The following SFXN5 variants were observed in gnomAD, a reference collection of about 807,000 sequenced individuals.
The protein encoded by SFXN5 is sideroflexin-5.
In SFXN5, 43 loss-of-function variants were observed where a neutral mutation model predicts 50.2. The observed-to-expected ratio is 0.86, with a 90% CI of 0.67 to 1.11. The LOEUF is 1.11. SFXN5 is among the 50% of genes least tolerant of loss of function. The probability of loss-of-function intolerance (pLI) is 0.00; values close to 1 mark genes in which losing one functional copy is unlikely to be tolerated. For missense variants in SFXN5, 463 were observed against 454.1 expected, an observed-to-expected ratio of 1.02 and a Z score of -0.18; for synonymous variants, 203 against 185.8, an observed-to-expected ratio of 1.09 and a Z score of -0.75.
At chr2:72,964,537 G>A (rs1276017552) in intron 12 of SFXN5, among the ~76,000 whole-genome samples, 3 of 152,248 alleles carry the variant, frequency 2.0e-5, no homozygotes, top group Non-Finnish European at 4.4e-5. Flanking sequence ...AGAAAGAGGT[G>A]GAGCAGGAAC....
chr2:72,971,673 A>G lies in SFXN5; in HGVS notation c.638T>C (p.Ile213Thr). The change falls in exon 11 of 14, where the codon ATC (isoleucine) becomes ACC (threonine). Residue 213 changes from isoleucine (I) to threonine (T), a missense_variant. Ile to Thr is a moderately conservative substitution (Grantham distance 89). Coordinates refer to ENST00000272433, the MANE Select transcript of SFXN5 (RefSeq NM_144579.3). ...GTACCGCATCAGGACCACATTGCAGATATTGGCACTGGCTGCAGAGAGAGG... is the reference window on the plus strand; with the variant it reads ...GTACCGCATCAGGACCACATTGCAGGTATTGGCACTGGCTGCAGAGAGAGG... The part of the protein sequence containing the change: ...VPFPAVASAN[I>T]CNVVLMRYGE... 6.2e-7 allele frequency: 1 copy of G among 1,613,552 alleles called. No individual in the cohort carries two copies. The highest frequency in any genetic ancestry group is 8.5e-7 in the Non-Finnish European group (1 of 1,179,578).
chr2:73,013,134 G>A (rs1675745393), intron 6 of SFXN5, among the ~76,000 whole-genome samples: 1 of 152,126 alleles, frequency 6.6e-6, no homozygotes, highest in Non-Finnish European at 1.5e-5. Context: ...ATCAGTGGCA[G>A]AATAAATACG....
At chr2:72,978,441 C>T (rs192414120) in intron 10 of SFXN5, among the ~76,000 whole-genome samples, 323 of 152,074 alleles carry the variant, frequency 2.1e-3, no homozygotes, top group African/African-American at 7.2e-3. Flanking sequence ...CACCACCATG[C>T]CCAGCTAATT....
At chr2:73,008,285 C>T (rs1228284722) in intron 6 of SFXN5, among the ~76,000 whole-genome samples, 1 of 152,152 alleles carries the variant, frequency 6.6e-6, no homozygotes, top group African/African-American at 2.4e-5. Context: ...CATGGTCTGC[C>T]CTCCTTAGCA....
intron 9 of SFXN5, among the ~76,000 whole-genome samples, chr2:72,991,541 G>A (rs1471253225): frequency 1.3e-5 from 2 of 152,224 alleles, no homozygotes; most frequent in Non-Finnish European, 2.9e-5. Flanking sequence ...AAGGCAAATG[G>A]CCACTTACCC....
rs1671603450 is a variant in SFXN5, at chr2:72,943,140, G to A, written c.*1882C>T. On this transcript the variant is annotated 3_prime_UTR_variant, in exon 14 of 14. Transcript: ENST00000272433. ...TCTAACCCTTCTCCCCCTCCTCACG[G>A]GCAGCAGGTGGGCTGCTCCTCAGGA... 2 of 152,226 alleles carry A rather than the reference G, an allele frequency of 1.3e-5. No individual in the cohort carries two copies. The highest frequency in any genetic ancestry group is 2.4e-5 in the African/African-American group (1 of 41,446). The allele number at this position is 152,226 out of a possible 1,614,324, so 9.4% of individuals were successfully genotyped here.
chr2:72,964,729 A>G (rs1262324217), intron 12 of SFXN5, among the ~76,000 whole-genome samples: 1 of 152,122 alleles, frequency 6.6e-6, no homozygotes, highest in African/African-American at 2.4e-5. Context: ...CTCCCCAGGG[A>G]CCCTCCAAAG....
chr2:72,989,242 G>C (rs539477260), intron 9 of SFXN5, among the ~76,000 whole-genome samples: 1 of 152,118 alleles, frequency 6.6e-6, no homozygotes, highest in Non-Finnish European at 1.5e-5. Context: ...GCTGGTCCCT[G>C]TGCCTGGGAT....
chr2:72,991,771 C>T (rs879662549), intron 9 of SFXN5, among the ~76,000 whole-genome samples: 2 of 152,184 alleles, frequency 1.3e-5, no homozygotes, highest in African/African-American at 4.8e-5. Context: ...CCTGGCACGG[C>T]GGGTCCTGTT....
At chr2:73,068,236 A>G (rs1292787305) in intron 1 of SFXN5, among the ~76,000 whole-genome samples, 3 of 152,234 alleles carry the variant, frequency 2.0e-5, no homozygotes, top group Non-Finnish European at 4.4e-5. Flanking sequence ...TGTCCCTGGC[A>G]TGGGTGCTGG....
chr2:72,952,475 C>T (rs181041207), intron 13 of SFXN5, among the ~76,000 whole-genome samples: 2 of 152,322 alleles, frequency 1.3e-5, no homozygotes, highest in South Asian at 2.1e-4. Flanking sequence ...GCCTTGTGCA[C>T]AGTAGGTCCT....
intron 2 of SFXN5, among the ~76,000 whole-genome samples, chr2:73,050,817 A>G (rs1681214345): frequency 6.6e-6 from 1 of 152,166 alleles, no homozygotes; most frequent in South Asian, 2.1e-4. Flanking sequence ...TATTCTTTAC[A>G]TGGCCAGGCT....
At chr2:72,993,667 T>C (rs1319709586) in intron 9 of SFXN5, among the ~76,000 whole-genome samples, 2 of 152,164 alleles carry the variant, frequency 1.3e-5, no homozygotes, top group Non-Finnish European at 2.9e-5. Flanking sequence ...ACAGGGTCCA[T>C]GAGATGGACC....
chr2:72,968,415 G>T (rs1674719638), intron 12 of SFXN5, 33 bp downstream of exon 12: 2 of 1,581,278 alleles, frequency 1.3e-6, no homozygotes, highest in South Asian at 1.1e-5. Flanking sequence ...CCTCCCCCAT[G>T]GTGGCCTCTC....
chr2:73,043,959 C>A (rs1312808461), intron 2 of SFXN5, among the ~76,000 whole-genome samples: 9 of 152,156 alleles, frequency 5.9e-5, no homozygotes, highest in Non-Finnish European at 4.4e-5. Context: ...TCACTCTGCA[C>A]AACCCACCAC....
chr2:72,996,271 A>C (rs893199164), intron 9 of SFXN5, among the ~76,000 whole-genome samples: 1 of 152,144 alleles, frequency 6.6e-6, no homozygotes, highest in Non-Finnish European at 1.5e-5. Flanking sequence ...GGGAGTCCCC[A>C]GCACAGGCAC....
chr2:73,051,401 G>A (rs914086968), intron 2 of SFXN5, among the ~76,000 whole-genome samples: 1 of 151,868 alleles, frequency 6.6e-6, no homozygotes, highest in African/African-American at 2.4e-5. Flanking sequence ...GGGATTAAAG[G>A]TGCCCATCAG....
In SFXN5 at chr2:73,047,285, T is replaced by C. The variant is rs1192063667; in HGVS notation, c.172-6354A>G. On this transcript the variant is annotated intron_variant, in intron 2 of 13. Coordinates refer to ENST00000272433, the MANE Select transcript of SFXN5 (RefSeq NM_144579.3). ...ATATATATATATATATACACACATATATATATATATATAAAATATATATGT... is the reference window on the plus strand; with the variant it reads ...ATATATATATATATATACACACATACATATATATATATAAAATATATATGT... Among the ~76,000 whole-genome samples, 155 of 92,472 alleles carry C rather than the reference T, an allele frequency of 1.7e-3. 1 individual carries two copies. Among genetic ancestry groups the C allele is most frequent in the African/African-American group, 5.5e-3 (118 of 21,386 alleles). 60.7% of individuals were successfully genotyped at this position (92,472 alleles called of 152,430 possible). A position where few individuals can be genotyped will look rare whatever the true frequency, so the allele number is the denominator to read the frequency against.
chr2:72,989,180 T>A lies in SFXN5; in HGVS notation c.535-832A>T, dbSNP rs554494904. Among the ~76,000 whole-genome samples the A allele has an allele frequency of 2.0e-5, 3 of 152,228 alleles. No individual in the cohort carries two copies. In the East Asian group the frequency reaches 5.8e-4, roughly 29 times the overall value. Reference sequence around the variant, plus strand: ...CCAAGTTCAACCCCGAGAGTCCAGTTTGCTGCCCATCAGATCCTCCGTGAG... The same window carrying A: ...CCAAGTTCAACCCCGAGAGTCCAGTATGCTGCCCATCAGATCCTCCGTGAG... On this transcript the variant is annotated intron_variant, in intron 9 of 13. Coordinates refer to ENST00000272433, the MANE Select transcript of SFXN5 (RefSeq NM_144579.3).
Sources: allele counts gnomAD v4.1 joint callset (sites outside exome capture counted in the v4.1 genomes callset), GRCh38; gene constraint gnomAD v4.1.1; transcripts MANE v1.5; gene names NCBI Gene and HGNC (gene_info 2026-07-23, HGNC 2026-07-21).